The following TENM3 variants were observed in gnomAD, a reference collection of about 807,000 sequenced individuals.
TENM3 encodes the protein teneurin transmembrane protein 3.
In TENM3, 63 loss-of-function variants were observed where a neutral mutation model predicts 255.1. The observed-to-expected ratio is 0.25, with a 90% CI of 0.20 to 0.30. The LOEUF is 0.30. TENM3 is among the 10% of genes least tolerant of loss of function. The pLI, the probability that TENM3 is intolerant of heterozygous loss-of-function variation, is 1.00. For synonymous variants in TENM3, 1,306 were observed against 1,322.3 expected (o/e 0.99, Z 0.27); for missense variants, 2,929 against 3,461.1 (o/e 0.85, Z 3.86).
chr4:182,227,044 CCTTTT>C lies in TENM3; in HGVS notation c.-76+82291_-76+82295del, dbSNP rs563872148. On this transcript the variant is annotated intron_variant, in intron 1 of 2. Transcript: ENST00000512480. ...CTGCCGTAACTCCTGCTGCTGCTCTCCTTTTATCATCCAGCAACCTCTATCTCTTT... is the reference window on the plus strand; with the variant it reads ...CTGCCGTAACTCCTGCTGCTGCTCTCATCATCCAGCAACCTCTATCTCTTT... 5.1e-3 allele frequency among the ~76,000 whole-genome samples: 776 copies of C among 152,260 alleles called. 4 individuals carry two copies. Among genetic ancestry groups the C allele is most frequent in the Non-Finnish European group, 7.0e-3 (478 of 68,018 alleles).
At chr4:181,672,937 G>A in the TENM3 span, among the ~76,000 whole-genome samples, 2 of 152,162 alleles carry the variant, frequency 1.3e-5, no homozygotes, top group Non-Finnish European at 2.9e-5. Flanking sequence ...TTCTGTAGCT[G>A]TCTCTGTTCT....
chr4:181,752,351 A>T, the TENM3 span, among the ~76,000 whole-genome samples: 1 of 152,172 alleles, frequency 6.6e-6, no homozygotes, highest in Admixed American at 6.5e-5. Flanking sequence ...GGAGTTTGAG[A>T]CCAGCCTGGC....
At chr4:182,101,061 G>A in the TENM3 span, among the ~76,000 whole-genome samples, 263 of 2,786 alleles carry the variant, frequency 0.094, 98 homozygotes, top group East Asian at 0.2. Flanking sequence ...AGGAAGGAAG[G>A]GAGGAAAAGA....
the TENM3 span, among the ~76,000 whole-genome samples, chr4:181,605,119 T>A: frequency 6.6e-6 from 1 of 151,624 alleles, no homozygotes; most frequent in East Asian, 1.9e-4. Context: ...GCTCATGGGG[T>A]AAAGAAAGAA....
At chr4:181,619,471 G>A in the TENM3 span, among the ~76,000 whole-genome samples, 3 of 152,230 alleles carry the variant, frequency 2.0e-5, no homozygotes, top group East Asian at 3.9e-4. Flanking sequence ...GCCCAGGCCA[G>A]AGTGTAGTGG....
intron 1 of TENM3, among the ~76,000 whole-genome samples, chr4:182,214,191 A>G (rs2597115): frequency 0.65 from 98,523 of 151,864 alleles, 32,425 homozygotes; most frequent in Middle Eastern, 0.7. Flanking sequence ...GGATGTATCA[A>G]GGAAGCATAA....
chr4:181,514,728 G>T, the TENM3 span, among the ~76,000 whole-genome samples: 1 of 152,194 alleles, frequency 6.6e-6, no homozygotes. Flanking sequence ...CATCTGCTTA[G>T]AAAGGCTAAA....
chr4:182,768,554 GAT>G (rs1263540109), intron 22 of TENM3, among the ~76,000 whole-genome samples: 9 of 152,150 alleles, frequency 5.9e-5, no homozygotes, highest in Admixed American at 2.0e-4. Flanking sequence ...GGAATAGAAA[GAT>G]AAATATCTGA....
In TENM3 at chr4:182,799,801, C is replaced by G. The variant is rs769851837; in HGVS notation, c.7550C>G (p.Ala2517Gly). 2 of 1,606,364 alleles carry G rather than the reference C, an allele frequency of 1.2e-6. No individual in the cohort carries two copies. Among genetic ancestry groups the G allele is most frequent in the Non-Finnish European group, 1.7e-6 (2 of 1,176,834 alleles). ...GRVQTNVLNIANEDCIKVAAV... is the reference protein window; with the variant it reads ...GRVQTNVLNIGNEDCIKVAAV... ...GTGCAGACCAACGTGCTCAACATCG[C>G]CAACGAGGACTGCATCAAGGTGGCG... Residue 2517 changes from alanine (A) to glycine (G), a missense_variant, in exon 28 of 28, where the codon GCC (alanine) becomes GGC (glycine). Physicochemically the swap from Ala to Gly is moderately conservative, Grantham distance 60. Transcript: ENST00000511685. The surrounding 1 kb of genome is among the most constrained non-coding windows in gnomAD (Gnocchi z 4.2).
At chr4:181,456,162 CATGT>C in the TENM3 span, among the ~76,000 whole-genome samples, 11 of 99,682 alleles carry the variant, frequency 1.1e-4, no homozygotes, top group Admixed American at 2.9e-4. Context: ...TGTGTGTACA[CATGT>C]GTGTGTATAT....
chr4:181,714,046 T>G, the TENM3 span, among the ~76,000 whole-genome samples: 2 of 152,174 alleles, frequency 1.3e-5, no homozygotes, highest in African/African-American at 4.8e-5. Flanking sequence ...GAAGAAACCC[T>G]TTTTACACAG....
chr4:182,586,279 G>C (rs1183872255), intron 3 of TENM3, among the ~76,000 whole-genome samples: 1 of 152,134 alleles, frequency 6.6e-6, no homozygotes, highest in Non-Finnish European at 1.5e-5. Context: ...AAAAGCCTTA[G>C]AAAATACAGA....
intron 22 of TENM3, among the ~76,000 whole-genome samples, chr4:182,771,377 G>A (rs1304953316): frequency 6.6e-6 from 1 of 152,110 alleles, no homozygotes; most frequent in South Asian, 2.1e-4. Flanking sequence ...TGATCTACAG[G>A]AGGGCTAGTG....
chr4:182,730,375 T>C (rs887331817), intron 15 of TENM3, 56 bp downstream of exon 15: 1 of 1,591,230 alleles, frequency 6.3e-7, no homozygotes, highest in African/African-American at 1.3e-5. Flanking sequence ...AAACTAGACC[T>C]TCCTGTACCA....
chr4:182,755,481 A>AC, intron 22 of TENM3: 1 of 477,906 alleles, frequency 2.1e-6, no homozygotes, highest in Non-Finnish European at 3.7e-6. Context: ...CTTCGAGGCC[A>AC]CAGTGAGCTA....
the TENM3 span, among the ~76,000 whole-genome samples, chr4:181,646,668 G>T: frequency 2.0e-5 from 3 of 152,070 alleles, no homozygotes; most frequent in East Asian, 5.8e-4. Flanking sequence ...CAAATGCAGC[G>T]GCCAGTGCAG....
chr4:181,705,795 T>A, the TENM3 span, among the ~76,000 whole-genome samples: 1 of 152,058 alleles, frequency 6.6e-6, no homozygotes, highest in Non-Finnish European at 1.5e-5. Context: ...TTTTACCTGA[T>A]CTCCCCTCTG....
At chr4:181,926,002 C>T in the TENM3 span, among the ~76,000 whole-genome samples, 312 of 152,210 alleles carry the variant, frequency 2.0e-3, 2 homozygotes, top group African/African-American at 7.1e-3. Context: ...GGCATGATGT[C>T]GCAGTAGGCC....
intron 1 of TENM3, among the ~76,000 whole-genome samples, chr4:182,297,071 C>T (rs946810344): frequency 6.6e-6 from 1 of 152,134 alleles, no homozygotes; most frequent in Non-Finnish European, 1.5e-5. Flanking sequence ...TTTAAGATGC[C>T]AATAGTATTA....
Sources: allele counts gnomAD v4.1 joint callset (sites outside exome capture counted in the v4.1 genomes callset), GRCh38; gene constraint gnomAD v4.1.1; non-coding constraint Gnocchi (gnomAD v3.1); transcripts MANE v1.5; gene names NCBI Gene and HGNC (gene_info 2026-07-23, HGNC 2026-07-21).